Variants in RAPGEFL1 observed in about 807,000 individuals in gnomAD.
RAPGEFL1 encodes the protein Rap guanine nucleotide exchange factor like 1.
Under a neutral mutation model 64.4 loss-of-function variants are expected in RAPGEFL1, and 31 were observed. The ratio of observed to expected loss-of-function variants is 0.48; its 90% CI spans 0.36 to 0.65. RAPGEFL1 has a LOEUF of 0.65. Among genes scored for constraint, RAPGEFL1 ranks in the 30% least tolerant of loss-of-function variants. RAPGEFL1 has a pLI of 0.00. For missense variants in RAPGEFL1, 682 were observed against 677.4 expected, an observed-to-expected ratio of 1.01 and a Z score of -0.08; for synonymous variants, 331 against 274.1, an observed-to-expected ratio of 1.21 and a Z score of -2.05.
chr17:40,186,175 G>C (rs1990064669), intron 4 of RAPGEFL1, among the ~76,000 whole-genome samples: 1 of 151,618 alleles, frequency 6.6e-6, no homozygotes, highest in African/African-American at 2.4e-5. Context: ...TCAAGAGGCT[G>C]AGGCAGGAGA....
At position 40,177,717 on chromosome 17, in the gene RAPGEFL1, G is replaced by T. The variant is rs950055680; in HGVS notation, c.-145G>T. The T allele has an allele frequency of 7.3e-6, 3 of 408,530 alleles. No homozygotes were observed. The highest frequency in any genetic ancestry group is 1.3e-5 in the Non-Finnish European group (3 of 234,548). The allele number at this position is 408,530 out of a possible 1,614,324, so 25.3% of individuals were successfully genotyped here. A position where few individuals can be genotyped will look rare whatever the true frequency, so the allele number is the denominator to read the frequency against. ...ACTGGACTCTGGCCAGCGAGGCTCG[G>T]CCCCTCTGGCCCCCAGTCTGGCGCC... On this transcript the variant is annotated 5_prime_UTR_variant, in exon 1 of 15. Coordinates refer to ENST00000620260, the MANE Select transcript of RAPGEFL1 (RefSeq NM_016339.6).
intron 4 of RAPGEFL1, among the ~76,000 whole-genome samples, chr17:40,186,574 C>CAAAAAAAAAAAAA (rs146110920): frequency 1.1e-4 from 3 of 26,282 alleles, no homozygotes; most frequent in African/African-American, 2.8e-4. Flanking sequence ...GACTCCGTCT[C>CAAAAAAAAAAAAA]AAAAAAAAAA....
intron 8 of RAPGEFL1, 184 bp downstream of exon 8, chr17:40,190,946 A>G: frequency 1.2e-6 from 1 of 858,652 alleles, no homozygotes; most frequent in South Asian, 1.8e-5. Flanking sequence ...CCCAGAGCAC[A>G]GTGGCTCAGG....
At chr17:40,188,332 ACT>A (rs1990149019) in intron 4 of RAPGEFL1, among the ~76,000 whole-genome samples, 1 of 151,264 alleles carries the variant, frequency 6.6e-6, no homozygotes, top group African/African-American at 2.4e-5. Flanking sequence ...CACCAGCATA[ACT>A]CTCCTGGTAC....
In RAPGEFL1 at chr17:40,191,162, T is replaced by C; in HGVS notation, c.1336-154T>C. 1.4e-6 allele frequency: 1 copy of C among 698,416 alleles called. No individual in the cohort carries two copies. Among genetic ancestry groups the C allele is most frequent in the Non-Finnish European group, 2.3e-6 (1 of 436,546 alleles). The allele number at this position is 698,416 out of a possible 1,614,324, so 43.3% of individuals were successfully genotyped here. ...GCTGGTTGTTTTCTTTTTCCGCATC[T>C]TTGCCGCCTCCTGTCCTTTCTATTT... On this transcript the variant is annotated intron_variant, in intron 8 of 14. Transcript: ENST00000620260. The surrounding 1 kb of genome is among the most constrained non-coding windows in gnomAD (Gnocchi z 5.1).
chr17:40,189,764 G>T (rs1467383680), intron 6 of RAPGEFL1, among the ~76,000 whole-genome samples: 1 of 152,160 alleles, frequency 6.6e-6, no homozygotes, highest in African/African-American at 2.4e-5. Context: ...ATTTGGACAG[G>T]ACCCCCCAGG....
chr17:40,191,239 G>C lies in RAPGEFL1; in HGVS notation c.1336-77G>C, dbSNP rs1349323044. ...GCCCTCCTGCCTTTCGCTCCTCATCGCCTTGCACTGCCATCTTCCCACCCA... is the reference window on the plus strand; with the variant it reads ...GCCCTCCTGCCTTTCGCTCCTCATCCCCTTGCACTGCCATCTTCCCACCCA... On this transcript the variant is annotated intron_variant, in intron 8 of 14. Transcript: ENST00000620260. The surrounding 1 kb of genome is among the most constrained non-coding windows in gnomAD (Gnocchi z 5.1). 2 of 1,330,294 alleles carry C rather than the reference G, an allele frequency of 1.5e-6. No individual in the cohort carries two copies. Among genetic ancestry groups the C allele is most frequent in the African/African-American group, 1.5e-5 (1 of 65,168 alleles). 82.4% of individuals were successfully genotyped at this position (1,330,294 alleles called of 1,614,324 possible).
At chr17:40,189,084 C>T (rs1990174411) in intron 5 of RAPGEFL1, 106 bp downstream of exon 5, 2 of 1,459,630 alleles carry the variant, frequency 1.4e-6, no homozygotes, top group Admixed American at 3.4e-5. Flanking sequence ...GTAGAACCAG[C>T]CCCTTTCACA....
chr17:40,192,538 G>A, intron 11 of RAPGEFL1, 68 bp from the exon 12 acceptor site: 1 of 1,338,810 alleles, frequency 7.5e-7, no homozygotes, highest in East Asian at 2.3e-5. Flanking sequence ...GGTGAGGGAG[G>A]AAGCTGAGGA....
At chr17:40,193,173 C>T (rs555126336) in intron 13 of RAPGEFL1, among the ~76,000 whole-genome samples, 183 bp downstream of exon 13, 1 of 152,304 alleles carries the variant, frequency 6.6e-6, no homozygotes, top group South Asian at 2.1e-4. Context: ...AGCTGACAGG[C>T]AGCTTGGGGG....
chr17:40,184,427 T>C (rs1680598833), intron 3 of RAPGEFL1, 78 bp downstream of exon 3: 1 of 1,330,280 alleles, frequency 7.5e-7, no homozygotes, highest in East Asian at 2.3e-5. Flanking sequence ...GCCATACTTC[T>C]CATTCTGGGT....
rs931080450 is a variant in RAPGEFL1 at position 40,186,750 on chromosome 17, C to T, written c.833+2072C>T. 9.9e-5 allele frequency among the ~76,000 whole-genome samples: 15 copies of T among 151,226 alleles called. No individual in the cohort carries two copies. The East Asian group carries it at 1.9e-3, about 20-fold the overall frequency. ...CTGTACTAAAAATACAAAAATTAGC[C>T]GGGCGTGGTGGTACACACCTGTAAT... On this transcript the variant is annotated intron_variant, in intron 4 of 14. Coordinates refer to ENST00000620260, the MANE Select transcript of RAPGEFL1 (RefSeq NM_016339.6).
intron 8 of RAPGEFL1, chr17:40,190,986 C>A: frequency 1.6e-6 from 1 of 622,306 alleles, no homozygotes; most frequent in South Asian, 2.2e-5. Flanking sequence ...AGAACCTGAC[C>A]CAGGATTTCT....
In RAPGEFL1 at chr17:40,178,367, A is replaced by T; in HGVS notation, c.506A>T (p.Asp169Val). The T allele has an allele frequency of 1.9e-6, 1 of 531,556 alleles. No homozygotes were observed. The highest frequency in any genetic ancestry group is 3.4e-6 in the Non-Finnish European group (1 of 295,640). The allele number at this position is 531,556 out of a possible 1,614,324, so 32.9% of individuals were successfully genotyped here. ...CGGCTTGCTGGAGGGGCTACCAGGG[A>T]CAGCGCCGCCTCAGGTAAGGAGCCG... ...LERLAGGATRDSAASDILLDD... is the reference protein window; with the variant it reads ...LERLAGGATRVSAASDILLDD... Residue 169 changes from aspartate to valine, a missense_variant, in exon 1 of 15, where the codon GAC (aspartate) becomes GTC (valine). By Grantham distance (152) the Asp-to-Val change is radical. Transcript: ENST00000620260.
In RAPGEFL1 at chr17:40,184,124, G is replaced by A. The variant is rs149509448; in HGVS notation, c.600-90G>A. 3,667 of 972,982 alleles carry A rather than the reference G, an allele frequency of 3.8e-3. 121 individuals carry two copies. The African/African-American group carries it at 0.052, about 14-fold the overall frequency. The allele number at this position is 972,982 out of a possible 1,614,324, so 60.3% of individuals were successfully genotyped here. A position where few individuals can be genotyped will look rare whatever the true frequency, so the allele number is the denominator to read the frequency against. On this transcript the variant is annotated intron_variant, in intron 2 of 14. Coordinates refer to ENST00000620260, the MANE Select transcript of RAPGEFL1 (RefSeq NM_016339.6). ...TTCCCAAACTGCTGGGATTATAGGC[G>A]TGAGCCACTGCGCCCAGCCTAGCCT...
intron 8 of RAPGEFL1, 29 bp downstream of exon 8, chr17:40,190,791 G>T: frequency 6.2e-7 from 1 of 1,611,648 alleles, no homozygotes; most frequent in South Asian, 1.1e-5. Context: ...GCTATGCTGG[G>T]GGGCTGGAGG....
intron 4 of RAPGEFL1, among the ~76,000 whole-genome samples, chr17:40,186,230 C>A (rs563704245): frequency 6.8e-6 from 1 of 146,798 alleles, no homozygotes; most frequent in African/African-American, 2.5e-5. Context: ...GCCAAGATTG[C>A]ATCACTGCAT....
At position 40,191,530 on chromosome 17, in the gene RAPGEFL1, G is replaced by A. The variant is rs762333993; in HGVS notation, c.1514+36G>A. ...CCGTCGGCGGGATGGGGGGCCGGAG[G>A]CCGGAGGCCCGCGCCGCCGCCCGCC... On this transcript the variant is annotated intron_variant, in intron 9 of 14. Transcript: ENST00000620260. This position sits in a 1 kb window ranked among gnomAD's most constrained non-coding sequence, Gnocchi z 5.1. 4 of 1,569,632 alleles carry A rather than the reference G, an allele frequency of 2.5e-6. No homozygotes were observed. In the East Asian group the frequency reaches 7.0e-5, roughly 28 times the overall value.
chr17:40,189,080 CCAGCCCCTTTCA>C (rs1426337996), intron 5 of RAPGEFL1, 102 bp downstream of exon 5: 15 of 1,464,986 alleles, frequency 1.0e-5, no homozygotes, highest in Non-Finnish European at 1.4e-5. Context: ...GGTGGTAGAA[CCAGCCCCTTTCA>C]CAGGACCTTC....
Sources: allele counts gnomAD v4.1 joint callset (sites outside exome capture counted in the v4.1 genomes callset), GRCh38; gene constraint gnomAD v4.1.1; non-coding constraint Gnocchi (gnomAD v3.1); transcripts MANE v1.5; gene names NCBI Gene and HGNC (gene_info 2026-07-23, HGNC 2026-07-21).